The following NAA15 variants were observed in gnomAD, a reference collection of about 807,000 sequenced individuals.
The protein encoded by NAA15 is N-alpha-acetyltransferase 15, NatA auxiliary subunit, also known as N-terminal acetyltransferase.
A neutral mutation model predicts 114.0 loss-of-function variants in NAA15; 34 were observed. That is an observed-to-expected ratio of 0.30 (90% CI 0.23 to 0.40). NAA15 has a LOEUF of 0.40. NAA15 is among the 10% of genes least tolerant of loss of function. The probability of loss-of-function intolerance (pLI) is 1.00; values close to 1 mark genes in which losing one functional copy is unlikely to be tolerated. For missense variants in NAA15, 658 were observed against 1,004.5 expected (o/e 0.66, Z 4.66); for synonymous variants, 340 against 338.0 (o/e 1.01, Z -0.06).
chr4:139,362,309 C>G (rs952967164), intron 14 of NAA15, among the ~76,000 whole-genome samples: 3 of 152,146 alleles, frequency 2.0e-5, no homozygotes, highest in Non-Finnish European at 4.4e-5. Context: ...GAGATGGAGT[C>G]TCGCTCTGTT....
intron 15 of NAA15, among the ~76,000 whole-genome samples, chr4:139,371,315 A>G (rs978008670): frequency 3.3e-5 from 5 of 151,934 alleles, no homozygotes; most frequent in African/African-American, 1.2e-4. Flanking sequence ...TGCTATGAGA[A>G]ATATAGCCAT....
intron 9 of NAA15, among the ~76,000 whole-genome samples, chr4:139,351,865 AAAAAG>A (rs1236006937): frequency 1.3e-5 from 2 of 152,050 alleles, no homozygotes; most frequent in Non-Finnish European, 2.9e-5. Flanking sequence ...TGTAGGTTAT[AAAAAG>A]TTGATAAGGT....
At chr4:139,337,340 G>A (rs893166822) in intron 3 of NAA15, among the ~76,000 whole-genome samples, 10 of 152,138 alleles carry the variant, frequency 6.6e-5, no homozygotes, top group African/African-American at 2.4e-4. Flanking sequence ...TATTAGAGCG[G>A]CATTATAATA....
intron 1 of NAA15, among the ~76,000 whole-genome samples, chr4:139,302,733 C>T (rs192319426): frequency 1.6e-3 from 249 of 152,304 alleles, no homozygotes; most frequent in African/African-American, 5.7e-3. Context: ...CAGACTTATT[C>T]CCTACGGTTC....
chr4:139,349,220 G>C (rs553705524), intron 6 of NAA15, among the ~76,000 whole-genome samples: 5 of 152,244 alleles, frequency 3.3e-5, no homozygotes, highest in Non-Finnish European at 7.4e-5. Flanking sequence ...GCATTGGACA[G>C]ATTTTCTGAA....
chr4:139,315,061 T>TTATGTTATGTTATG (rs1560953076), intron 1 of NAA15, among the ~76,000 whole-genome samples: 3 of 61,206 alleles, frequency 4.9e-5, no homozygotes, highest in African/African-American at 1.9e-4. Flanking sequence ...GTTAGTTTAG[T>TTATGTTATGTTATG]TTAGTTTAGT....
chr4:139,310,371 G>A (rs985019168), intron 1 of NAA15, among the ~76,000 whole-genome samples: 2 of 148,840 alleles, frequency 1.3e-5, no homozygotes, highest in African/African-American at 2.5e-5. Context: ...GGAGAATGGC[G>A]TGAACCCAGG....
intron 6 of NAA15, among the ~76,000 whole-genome samples, chr4:139,347,536 G>A (rs1397513627): frequency 6.6e-6 from 1 of 152,182 alleles, no homozygotes; most frequent in Non-Finnish European, 1.5e-5. Flanking sequence ...TATTCAGGAG[G>A]CTGCCGTAGG....
intron 12 of NAA15, 97 bp from the exon 13 acceptor site, chr4:139,360,403 A>C (rs1748096164): frequency 8.8e-7 from 1 of 1,138,714 alleles, no homozygotes; most frequent in Non-Finnish European, 1.2e-6. Flanking sequence ...TTTTTGAAAG[A>C]GTCCCAATCA....
intron 9 of NAA15, among the ~76,000 whole-genome samples, chr4:139,352,660 A>ATTT (rs1747816840): frequency 8.1e-6 from 1 of 123,906 alleles, no homozygotes; most frequent in Non-Finnish European, 1.7e-5. Flanking sequence ...TCCATAAAAT[A>ATTT]TCTTTTTTTT....
At chr4:139,345,585 T>C (rs1747551746) in intron 6 of NAA15, among the ~76,000 whole-genome samples, 1 of 152,132 alleles carries the variant, frequency 6.6e-6, no homozygotes, top group Non-Finnish European at 1.5e-5. Context: ...TTTCTGAGCT[T>C]CTGGAAGAAG....
rs141809080 is a variant in NAA15, at chr4:139,360,459, A to G, written c.1411-41A>G. ...AAAATTCTGTGGTAGAATGATGTCT[A>G]TGATAAAAAGTGATCTTGAAAATAT... is the stretch of plus-strand genomic sequence containing the variant. On this transcript the variant is annotated intron_variant, in intron 12 of 19. Transcript: ENST00000296543. 1,379 of 1,462,638 alleles carry G rather than the reference A, an allele frequency of 9.4e-4. 11 individuals are homozygous for G. Among genetic ancestry groups the G allele is most frequent in the Middle Eastern group, 5.5e-4 (3 of 5,488 alleles). 90.6% of individuals were successfully genotyped at this position (1,462,638 alleles called of 1,614,324 possible).
intron 11 of NAA15, among the ~76,000 whole-genome samples, chr4:139,357,979 T>G (rs1748013265): frequency 6.6e-6 from 1 of 152,176 alleles, no homozygotes; most frequent in South Asian, 2.1e-4. Flanking sequence ...GTTATCTCTT[T>G]TGACTTCTCA....
chr4:139,356,282 A>C (rs912478339), intron 10 of NAA15, among the ~76,000 whole-genome samples: 1 of 152,190 alleles, frequency 6.6e-6, no homozygotes, highest in Non-Finnish European at 1.5e-5. Flanking sequence ...ATAAGACAAG[A>C]TATTCCAGTT....
chr4:139,361,261 C>A (rs951470980), intron 13 of NAA15, among the ~76,000 whole-genome samples: 2 of 152,092 alleles, frequency 1.3e-5, no homozygotes, highest in Admixed American at 1.3e-4. Flanking sequence ...TAATTGATTT[C>A]TTTTCCACAT....
chr4:139,373,233 A>G (rs541412346), intron 15 of NAA15, among the ~76,000 whole-genome samples: 1 of 152,280 alleles, frequency 6.6e-6, no homozygotes, highest in South Asian at 2.1e-4. Flanking sequence ...ACACAAACCT[A>G]GATGGTAAAG....
chr4:139,388,095 A>G lies in NAA15; in HGVS notation c.*11A>G, dbSNP rs1225150414. The stretch of plus-strand genomic sequence containing the variant: ...GCCAATGAAATTTGAACATCACTAA[A>G]CAAGCAAATGGAATGACTTTGGACC... On this transcript the variant is annotated 3_prime_UTR_variant, in exon 20 of 20. Coordinates refer to ENST00000296543, the MANE Select transcript of NAA15 (RefSeq NM_057175.5). The G allele has an allele frequency of 1.2e-6, 2 of 1,611,716 alleles. No individual in the cohort carries two copies. Among genetic ancestry groups the G allele is most frequent in the Non-Finnish European group, 1.7e-6 (2 of 1,178,290 alleles).
chr4:139,377,051 A>G lies in NAA15; in HGVS notation c.2056+578A>G, dbSNP rs574498188. On this transcript the variant is annotated intron_variant, in intron 16 of 19. Coordinates refer to ENST00000296543, the MANE Select transcript of NAA15 (RefSeq NM_057175.5). ...GCTTAGAATATATATGTAGTAGATA[A>G]TAAGATTTTAGAGTACTGAGTTAAT... Among the ~76,000 whole-genome samples the G allele has an allele frequency of 7.9e-5, 12 of 152,336 alleles. No individual in the cohort carries two copies. In the South Asian group the frequency reaches 2.3e-3, roughly 29 times the overall value.
intron 3 of NAA15, 21 bp downstream of exon 3, chr4:139,336,973 T>G: frequency 6.6e-7 from 1 of 1,523,078 alleles, no homozygotes; most frequent in Non-Finnish European, 8.9e-7. Flanking sequence ...TGAGATATAT[T>G]TAAGGTTTGA....
Sources: gnomAD v4.1 joint callset for allele counts (sites outside exome capture counted in the v4.1 genomes callset) on GRCh38, gnomAD v4.1.1 for gene constraint, MANE v1.5 for transcripts, NCBI Gene and HGNC (gene_info 2026-07-23, HGNC 2026-07-21) for gene names.